Variants in ROBO2 observed in about 807,000 individuals in gnomAD.
ROBO2 encodes the protein roundabout guidance receptor 2.
ROBO2 carries 53 observed loss-of-function variants against 160.8 expected under a neutral mutation model. That is an observed-to-expected ratio of 0.33 (90% confidence interval 0.26 to 0.41). ROBO2 has a LOEUF of 0.41. Among genes scored for constraint, ROBO2 ranks in the 10% least tolerant of loss-of-function variants. ROBO2 has a pLI of 1.00. For synonymous variants in ROBO2, 664 were observed against 611.7 expected, an observed-to-expected ratio of 1.09 and a Z score of -1.26; for missense variants, 1,577 against 1,722.4, an observed-to-expected ratio of 0.92 and a Z score of 1.49.
chr3:76,800,675 C>T (rs1246393674), intron 2 of ROBO2, among the ~76,000 whole-genome samples: 2 of 152,136 alleles, frequency 1.3e-5, no homozygotes, highest in African/African-American at 4.8e-5. Flanking sequence ...CAGTGAGCTA[C>T]CATCTCACCC....
At chr3:76,394,602 G>T (rs534725367) in intron 2 of ROBO2, among the ~76,000 whole-genome samples, 2 of 151,912 alleles carry the variant, frequency 1.3e-5, no homozygotes, top group East Asian at 3.9e-4. Flanking sequence ...ATGTGTCTTG[G>T]AGTTGCTCTT....
At chr3:76,325,846 C>T (rs549085289) in intron 2 of ROBO2, among the ~76,000 whole-genome samples, 2 of 152,036 alleles carry the variant, frequency 1.3e-5, no homozygotes, top group Admixed American at 6.5e-5. Context: ...CAAAAAGGAA[C>T]GACATAAGCT....
intron 2 of ROBO2, among the ~76,000 whole-genome samples, chr3:76,313,206 T>A (rs1482153155): frequency 6.6e-6 from 1 of 152,256 alleles, no homozygotes; most frequent in Non-Finnish European, 1.5e-5. Flanking sequence ...TCCTTTTTAG[T>A]GCCTCTGTTT....
At chr3:76,141,179 A>ATATATATATATATATATATATATATT (rs1168896409) in intron 2 of ROBO2, among the ~76,000 whole-genome samples, 1 of 104,494 alleles carries the variant, frequency 9.6e-6, no homozygotes, top group Non-Finnish European at 1.9e-5. Context: ...ATATATATAT[A>ATATATATATATATATATATATATATT]TATATATATT....
chr3:77,387,985 AT>A (rs1451078906), intron 2 of ROBO2, among the ~76,000 whole-genome samples: 1 of 152,128 alleles, frequency 6.6e-6, no homozygotes, highest in East Asian at 1.9e-4. Context: ...CCTTGGCAAA[AT>A]AAACTTCCAA....
intron 2 of ROBO2, among the ~76,000 whole-genome samples, chr3:77,419,775 A>G (rs528990268): frequency 6.6e-6 from 1 of 152,262 alleles, no homozygotes; most frequent in African/African-American, 2.4e-5. Flanking sequence ...TATTTGTTAA[A>G]AAGCAAACAA....
At chr3:76,628,616 C>CT (rs1165113724) in intron 2 of ROBO2, among the ~76,000 whole-genome samples, 1 of 151,918 alleles carries the variant, frequency 6.6e-6, no homozygotes, top group Non-Finnish European at 1.5e-5. Flanking sequence ...GAAAAGGAAA[C>CT]TTTTTTTTCC....
intron 2 of ROBO2, among the ~76,000 whole-genome samples, chr3:76,612,999 A>G (rs2088258605): frequency 6.6e-6 from 1 of 152,130 alleles, no homozygotes; most frequent in Non-Finnish European, 1.5e-5. Context: ...CTTGTAGGCA[A>G]CAGATGATTC....
At chr3:77,576,071 C>T (rs772693370) in intron 14 of ROBO2, among the ~76,000 whole-genome samples, 50 of 151,946 alleles carry the variant, frequency 3.3e-4, no homozygotes, top group Non-Finnish European at 4.6e-4. Context: ...GTGTTCTCGC[C>T]GAGCCAGCAG....
chr3:76,885,685 A>G (rs2073806345), intron 2 of ROBO2, among the ~76,000 whole-genome samples: 1 of 152,188 alleles, frequency 6.6e-6, no homozygotes, highest in Non-Finnish European at 1.5e-5. Flanking sequence ...GACAAAATGA[A>G]GTGGTTGGTA....
At chr3:77,436,482 G>A (rs1304368604) in intron 2 of ROBO2, among the ~76,000 whole-genome samples, 1 of 151,412 alleles carries the variant, frequency 6.6e-6, no homozygotes. Flanking sequence ...ATTTTCTTGG[G>A]CTTGTTACAT....
At chr3:77,065,712 G>T (rs1289059524) in intron 1 of ROBO2, among the ~76,000 whole-genome samples, 1 of 152,060 alleles carries the variant, frequency 6.6e-6, no homozygotes, top group Non-Finnish European at 1.5e-5. Context: ...GTTATTGTTT[G>T]CATTAGTAAT....
rs7643338 is a variant in ROBO2 at position 76,735,814 on chromosome 3, C to T, written c.110-362200C>T. Among the ~76,000 whole-genome samples, 921 of 140,146 alleles carry T rather than the reference C, an allele frequency of 6.6e-3. 8 individuals are homozygous for T. The highest frequency in any genetic ancestry group is 0.022 in the African/African-American group (848 of 39,128). 91.9% of individuals were successfully genotyped at this position (140,146 alleles called of 152,430 possible). A position where few individuals can be genotyped will look rare whatever the true frequency, so the allele number is the denominator to read the frequency against. ...GGAAAGGGAAAAGAAAAAAGAAAAA[C>T]TCCCTATAGTACCTTTGAGTACTAT... On this transcript the variant is annotated intron_variant, in intron 2 of 26. Transcript: ENST00000487694.
At chr3:76,601,976 G>A (rs2197723) in intron 2 of ROBO2, among the ~76,000 whole-genome samples, 85,878 of 151,998 alleles carry the variant, frequency 0.56, 24,510 homozygotes, top group Middle Eastern at 0.76. Context: ...TCTTCCACCA[G>A]GTAACCTAAC....
Position 77,414,960 on chromosome 3 carries a change from A to T in ROBO2, c.389-62454A>T, listed in dbSNP as rs182397740. The stretch of plus-strand genomic sequence containing the variant: ...GAAGTATTGAGTGCTCCTGAAGATT[A>T]TTAAGACTCCACCCCTGCCTTCAGG... On this transcript the variant is annotated intron_variant, in intron 2 of 25. Coordinates refer to ENST00000461745, the Ensembl canonical transcript of ROBO2. Among the ~76,000 whole-genome samples, 7 of 152,318 alleles carry T rather than the reference A, an allele frequency of 4.6e-5. No individual in the cohort carries two copies. In the East Asian group the frequency reaches 1.4e-3, roughly 29 times the overall value.
intron 2 of ROBO2, among the ~76,000 whole-genome samples, chr3:76,073,529 G>T (rs2107977645): frequency 6.6e-6 from 1 of 151,862 alleles, no homozygotes; most frequent in East Asian, 1.9e-4. Flanking sequence ...CTGACCTCGT[G>T]ATCCACCCGC....
intron 2 of ROBO2, among the ~76,000 whole-genome samples, chr3:77,456,890 T>C (rs33954864): frequency 0.34 from 52,321 of 151,846 alleles, 9,170 homozygotes; most frequent in Middle Eastern, 0.4. Context: ...TATGGCAATG[T>C]GAGGCATATT....
intron 2 of ROBO2, among the ~76,000 whole-genome samples, chr3:76,138,666 T>C (rs968784953): frequency 3.3e-5 from 5 of 152,104 alleles, no homozygotes; most frequent in Non-Finnish European, 5.9e-5. Context: ...GATTTTCAGG[T>C]ATGCTATATA....
chr3:76,986,615 G>A (rs2060396762), intron 2 of ROBO2, among the ~76,000 whole-genome samples: 1 of 151,784 alleles, frequency 6.6e-6, no homozygotes, highest in Non-Finnish European at 1.5e-5. Context: ...ATTCTTTTTT[G>A]AAATATTATA....
Sources: gnomAD v4.1 joint callset for allele counts (sites outside exome capture counted in the v4.1 genomes callset) on GRCh38, gnomAD v4.1.1 for gene constraint, MANE v1.5 for transcripts, NCBI Gene and HGNC (gene_info 2026-07-23, HGNC 2026-07-21) for gene names.